SPTBN4: variants seen among roughly 807,000 people sequenced by gnomAD.
SPTBN4 encodes the protein spectrin beta chain, non-erythrocytic 4.
SPTBN4 carries 96 observed loss-of-function variants against 277.8 expected under a neutral mutation model. The ratio of observed to expected loss-of-function variants is 0.35; its 90% confidence interval spans 0.29 to 0.41. The LOEUF (loss-of-function observed/expected upper bound fraction) is 0.41. SPTBN4 is among the 10% of genes least tolerant of loss of function. SPTBN4 has a pLI of 1.00. For missense variants in SPTBN4, 3,006 were observed against 3,595.7 expected (o/e 0.84, Z 4.19); for synonymous variants, 1,481 against 1,580.3 (o/e 0.94, Z 1.49).
At chr19:40,524,123 A>C (rs1162015607) in intron 17 of SPTBN4, among the ~76,000 whole-genome samples, 1 of 152,156 alleles carries the variant, frequency 6.6e-6, no homozygotes, top group Non-Finnish European at 1.5e-5. Flanking sequence ...AGGTAACCTG[A>C]GGCTGTCAAC....
intron 2 of SPTBN4, among the ~76,000 whole-genome samples, chr19:40,473,354 G>GTTTTTTTTTTTTTT (rs61584591): frequency 1.0e-5 from 1 of 99,094 alleles, no homozygotes; most frequent in Non-Finnish European, 2.0e-5. Context: ...CTGGCCTGGT[G>GTTTTTTTTTTTTTT]TTTTTTTTTT....
intron 18 of SPTBN4, among the ~76,000 whole-genome samples, chr19:40,531,444 G>A (rs1350699095): frequency 6.9e-6 from 1 of 144,656 alleles, no homozygotes; most frequent in Non-Finnish European, 1.5e-5. Flanking sequence ...CCGGGACCGC[G>A]GAGCTGGAGT....
At chr19:40,479,026 A>G (rs1486490064) in intron 2 of SPTBN4, among the ~76,000 whole-genome samples, 1 of 152,164 alleles carries the variant, frequency 6.6e-6, no homozygotes, top group East Asian at 1.9e-4. Flanking sequence ...CTTGCCACTC[A>G]AAGTGCAAAT....
chr19:40,513,375 G>T lies in SPTBN4; in HGVS notation c.2586G>T (p.Leu862Phe), dbSNP rs1267930583. ...TGCGCGTGGTGGAAGCAGAGCAGTT[G>T]TTCGCTGAGGTGACCGAAGTGGCGG... is the stretch of plus-strand genomic sequence containing the variant. ...LQVRVVEAEQLFAEVTEVAAL... is the reference protein window; with the variant it reads ...LQVRVVEAEQFFAEVTEVAAL... Residue 862 changes from leucine to phenylalanine, a missense_variant, in exon 14 of 36, where the codon TTG becomes TTT. Around this residue, in one of 5 missense-constraint regions of SPTBN4, gnomAD observed 1,759 missense variants for 2,061.5 expected, o/e 0.85. Coordinates refer to ENST00000598249, the MANE Select transcript of SPTBN4 (RefSeq NM_020971.3). 4 of 1,602,892 alleles carry T rather than the reference G, an allele frequency of 2.5e-6. No homozygotes were observed. In the East Asian group the frequency reaches 9.0e-5, roughly 36 times the overall value.
In SPTBN4 at chr19:40,502,374, G is replaced by C; in HGVS notation, c.1086-16G>C. The stretch of plus-strand genomic sequence containing the variant: ...GGTGGCATGACGGCAGGGCTCCTGA[G>C]CTCATGCCCCTTCAGGTTCCAGGAG... On this transcript the variant is annotated splice_polypyrimidine_tract_variant and intron_variant, in intron 9 of 35. Coordinates refer to ENST00000598249, the MANE Select transcript of SPTBN4 (RefSeq NM_020971.3). The surrounding 1 kb of genome is among the most constrained non-coding windows in gnomAD (Gnocchi z 4.9). 4 of 1,610,858 alleles carry C rather than the reference G, an allele frequency of 2.5e-6. No individual in the cohort carries two copies. The highest frequency in any genetic ancestry group is 3.4e-6 in the Non-Finnish European group (4 of 1,178,468).
intron 30 of SPTBN4, 81 bp from the exon 31 acceptor site, chr19:40,567,582 C>T: frequency 7.3e-7 from 1 of 1,362,886 alleles, no homozygotes; most frequent in Non-Finnish European, 9.6e-7. Flanking sequence ...GGCAGAAAAA[C>T]CCAGGCCGCC....
At chr19:40,485,571 G>A (rs776974749) in intron 2 of SPTBN4, among the ~76,000 whole-genome samples, 4 of 152,078 alleles carry the variant, frequency 2.6e-5, no homozygotes, top group Non-Finnish European at 2.9e-5. Flanking sequence ...TTTGGGAAGC[G>A]TACGTGGGAG....
At chr19:40,535,895 G>C (rs1032240211) in intron 20 of SPTBN4, among the ~76,000 whole-genome samples, 1 of 152,112 alleles carries the variant, frequency 6.6e-6, no homozygotes, top group African/African-American at 2.4e-5. Context: ...GGGAGGCAGA[G>C]GTTGCAGTGA....
At chr19:40,496,502 T>C (rs1238117836) in intron 6 of SPTBN4, among the ~76,000 whole-genome samples, 1 of 152,046 alleles carries the variant, frequency 6.6e-6, no homozygotes, top group Non-Finnish European at 1.5e-5. Context: ...CAGGCTGGTT[T>C]CAAACTCCTG....
At chr19:40,474,492 T>C (rs2145801855) in intron 2 of SPTBN4, among the ~76,000 whole-genome samples, 1 of 151,464 alleles carries the variant, frequency 6.6e-6, no homozygotes, top group East Asian at 2.0e-4. Context: ...TGCAGTGGTG[T>C]GATCATGGCT....
intron 27 of SPTBN4, among the ~76,000 whole-genome samples, chr19:40,561,822 CAAA>C (rs59811599): frequency 5.1e-5 from 3 of 58,564 alleles, no homozygotes. Flanking sequence ...AACTCCGTCT[CAAA>C]AAAAAAAAAA....
At chr19:40,526,746 G>A (rs916780908) in intron 17 of SPTBN4, among the ~76,000 whole-genome samples, 3 of 151,972 alleles carry the variant, frequency 2.0e-5, no homozygotes, top group Non-Finnish European at 2.9e-5. Context: ...CACCTTGCTC[G>A]GCTAATTTTT....
In SPTBN4 at chr19:40,556,240, G is replaced by C; in HGVS notation, c.5241G>C (p.Glu1747Asp). ...TTGAGCACTGGATTGCCGAGAAGGA[G>C]GTGGTGGCTGGCTCACCCGAGCTCG... is the stretch of plus-strand genomic sequence containing the variant. ...SELEHWIAEKEVVAGSPELGQ... is the reference protein window; with the variant it reads ...SELEHWIAEKDVVAGSPELGQ... The change falls in exon 25 of 36, where the codon GAG (glutamate) becomes GAC (aspartate). Residue 1747 changes from glutamate to aspartate, a missense_variant. Around this residue, in one of 5 missense-constraint regions of SPTBN4, gnomAD observed 425 missense variants for 594.7 expected, o/e 0.71. Coordinates refer to ENST00000598249, the MANE Select transcript of SPTBN4 (RefSeq NM_020971.3). The C allele has an allele frequency of 6.2e-7, 1 of 1,613,640 alleles. No homozygotes were observed.
chr19:40,563,607 C>T (rs1052301181), intron 27 of SPTBN4, among the ~76,000 whole-genome samples: 3 of 98,736 alleles, frequency 3.0e-5, no homozygotes, highest in African/African-American at 4.2e-5. Flanking sequence ...CAGGCAGTTT[C>T]GAACTTCTGG....
chr19:40,533,540 A>G (rs2080701319), intron 19 of SPTBN4, among the ~76,000 whole-genome samples: 1 of 152,104 alleles, frequency 6.6e-6, no homozygotes, highest in Admixed American at 6.6e-5. Context: ...AGAGACACCC[A>G]TGTTGGCCTT....
intron 20 of SPTBN4, 148 bp from the exon 21 acceptor site, chr19:40,549,041 C>T (rs966373021): frequency 8.0e-6 from 5 of 622,146 alleles, no homozygotes; most frequent in African/African-American, 5.8e-5. Context: ...TCATGCGGAG[C>T]GCATCGCTCC....
chr19:40,500,707 C>T (rs775070503), intron 7 of SPTBN4, among the ~76,000 whole-genome samples: 2 of 151,770 alleles, frequency 1.3e-5, no homozygotes, highest in South Asian at 2.1e-4. Context: ...ATTAGCCGGG[C>T]GTGGTGGTGT....
chr19:40,473,887 A>T (rs1329132976), intron 2 of SPTBN4, among the ~76,000 whole-genome samples: 1 of 151,740 alleles, frequency 6.6e-6, no homozygotes, highest in Non-Finnish European at 1.5e-5. Context: ...CACGCCTGTA[A>T]TCCCAGCACT....
At chr19:40,545,477 C>T (rs2080848773) in intron 20 of SPTBN4, among the ~76,000 whole-genome samples, 2 of 152,108 alleles carry the variant, frequency 1.3e-5, no homozygotes, top group Admixed American at 6.6e-5. Flanking sequence ...GATGCAAAGA[C>T]CTGCCAAATT....
Sources: allele counts gnomAD v4.1 joint callset (sites outside exome capture counted in the v4.1 genomes callset), GRCh38; gene constraint gnomAD v4.1.1; regional missense constraint gnomAD v4.1.1; non-coding constraint Gnocchi (gnomAD v3.1); transcripts MANE v1.5; gene names NCBI Gene and HGNC (gene_info 2026-07-23, HGNC 2026-07-21).